Variants in NOL4L observed in about 807,000 individuals in gnomAD.
NOL4L encodes nucleolar protein 4 like, also known as nucleolar protein 4-like.
Under a neutral mutation model 64.5 loss-of-function variants are expected in NOL4L, and 7 were observed. That is an observed-to-expected ratio of 0.11 (90% CI 0.06 to 0.20). The LOEUF (loss-of-function observed/expected upper bound fraction) is 0.20, where lower values mean the gene tolerates loss of function less well. Ranked by LOEUF, NOL4L falls within the 10% of genes least tolerant of loss-of-function variation. The pLI, the probability that NOL4L is intolerant of heterozygous loss-of-function variation, is 1.00. For missense variants in NOL4L, 680 were observed against 967.1 expected (o/e 0.70, Z 3.94); for synonymous variants, 413 against 401.0 (o/e 1.03, Z -0.36).
chr20:32,478,259 A>ACACACG (rs2015517236), intron 4 of NOL4L, among the ~76,000 whole-genome samples: 1 of 127,362 alleles, frequency 7.9e-6, no homozygotes, highest in Non-Finnish European at 1.7e-5. Flanking sequence ...ACACACACAC[A>ACACACG]CACACACACA....
At chr20:32,529,222 G>C (rs1222619905) in intron 1 of NOL4L, among the ~76,000 whole-genome samples, 1 of 152,184 alleles carries the variant, frequency 6.6e-6, no homozygotes, top group Non-Finnish European at 1.5e-5. Context: ...CCCTTTATCT[G>C]TAAAATGGGG....
At chr20:32,568,099 A>G (rs890798333) in intron 1 of NOL4L, among the ~76,000 whole-genome samples, 1 of 151,806 alleles carries the variant, frequency 6.6e-6, no homozygotes, top group Non-Finnish European at 1.5e-5. Context: ...TACCATTACC[A>G]TCACCACTAT....
intron 4 of NOL4L, among the ~76,000 whole-genome samples, chr20:32,495,681 G>A (rs892101732): frequency 2.6e-5 from 4 of 152,188 alleles, no homozygotes; most frequent in African/African-American, 9.7e-5. Context: ...GAAGTTAGAT[G>A]GCTGGGGCGC....
intron 1 of NOL4L, among the ~76,000 whole-genome samples, chr20:32,578,616 A>G (rs894760557): frequency 1.3e-5 from 2 of 152,174 alleles, no homozygotes; most frequent in Non-Finnish European, 2.9e-5. Flanking sequence ...TGGCTTTGAC[A>G]TGAGTGAGCA....
intron 1 of NOL4L, among the ~76,000 whole-genome samples, chr20:32,558,093 A>G (rs965482560): frequency 6.6e-6 from 1 of 152,190 alleles, no homozygotes; most frequent in African/African-American, 2.4e-5. Flanking sequence ...TATTTAAACA[A>G]AGTTGAAATT....
chr20:32,472,996 C>T (rs567149270), intron 5 of NOL4L, among the ~76,000 whole-genome samples: 2 of 152,338 alleles, frequency 1.3e-5, no homozygotes, highest in South Asian at 4.1e-4. Context: ...GCTGAGGGAA[C>T]CCCATGGACC....
intron 1 of NOL4L, among the ~76,000 whole-genome samples, chr20:32,557,216 G>A (rs768245969): frequency 1.3e-5 from 2 of 152,206 alleles, no homozygotes; most frequent in African/African-American, 2.4e-5. Context: ...CCCTGGCCAC[G>A]AAGCAGCCTC....
At position 32,452,283 on chromosome 20, in the gene NOL4L, C is replaced by G. The variant is rs753806738; in HGVS notation, c.1775G>C (p.Ser592Thr). 7 of 1,599,018 alleles carry G rather than the reference C, an allele frequency of 4.4e-6. No homozygotes were observed. In the Admixed American group the frequency reaches 1.2e-4, roughly 27 times the overall value. ...YSYRGYGALS[S>T]NLQPPASLQT... ...GAGGGAGGCAGGGGGCTGCAGGTTG[C>G]TGCTCAAGGCCCCGTACCCGCGGTA... is the stretch of plus-strand genomic sequence containing the variant. Residue 592 changes from serine (S) to threonine (T), a missense_variant, in exon 10 of 11, where the codon AGC (serine) becomes ACC (threonine). Physicochemically the swap from Ser to Thr is moderately conservative, Grantham distance 58. Around this residue, in one of 4 missense-constraint regions of NOL4L, gnomAD observed 175 missense variants for 227.0 expected, o/e 0.77. Transcript: ENST00000621426.
At position 32,452,302 on chromosome 20, in the gene NOL4L, C is replaced by T. The variant is rs777528566; in HGVS notation, c.1756G>A (p.Gly586Arg). The T allele has an allele frequency of 1.9e-6, 3 of 1,607,880 alleles. No homozygotes were observed. The highest frequency in any genetic ancestry group is 1.7e-6 in the Non-Finnish European group (2 of 1,176,716). ...ANGGLNYSYRGYGALSSNLQP... is the reference protein window; with the variant it reads ...ANGGLNYSYRRYGALSSNLQP... ...AGGTTGCTGCTCAAGGCCCCGTACCCGCGGTAACTGTAGTTGAGGCCGCCG... is the reference window on the plus strand; with the variant it reads ...AGGTTGCTGCTCAAGGCCCCGTACCTGCGGTAACTGTAGTTGAGGCCGCCG... Residue 586 changes from glycine (G) to arginine (R), a missense_variant, in exon 10 of 11, where the codon GGG becomes AGG. By Grantham distance (125) the Gly-to-Arg change is moderately radical. Around this residue, in one of 4 missense-constraint regions of NOL4L, gnomAD observed 175 missense variants for 227.0 expected, o/e 0.77. Transcript: ENST00000621426.
rs1447601543 is a variant in NOL4L, at chr20:32,456,340, G to A, written c.897C>T (p.Ser299=). 3 of 1,541,696 alleles carry A rather than the reference G, an allele frequency of 1.9e-6. No individual in the cohort carries two copies. The highest frequency in any genetic ancestry group is 1.9e-5 in the Admixed American group (1 of 52,372). Residue 299 remains serine (S), a synonymous_variant, in exon 6 of 11, where the codon TCC becomes TCT. Coordinates refer to ENST00000621426, the MANE Select transcript of NOL4L (RefSeq NM_001256798.2). ...GGTCGCCCTGCGTGCTGCTCGACGT[G>A]GATGGGTTCAGGGTGGAGGAGCCAT... The part of the protein sequence containing the change: ...SGNGSSTLNP[S]TSSSTQGDPA...
At chr20:32,538,749 G>A (rs1471824798) in intron 1 of NOL4L, among the ~76,000 whole-genome samples, 1 of 152,230 alleles carries the variant, frequency 6.6e-6, no homozygotes, top group Non-Finnish European at 1.5e-5. Context: ...GCTCCAGGAG[G>A]GAATGGGGGA....
At position 32,536,826 on chromosome 20, in the gene NOL4L, C is replaced by T. The variant is rs865842162; in HGVS notation, c.322-8913G>A. On this transcript the variant is annotated intron_variant, in intron 1 of 10. Transcript: ENST00000621426. Reference sequence around the variant, plus strand: ...GGGGGGGGGGGGCGCACCAACGGGGCGGGGGGGGGACACGCAGGAACGGGG... The same window carrying T: ...GGGGGGGGGGGGCGCACCAACGGGGTGGGGGGGGGACACGCAGGAACGGGG... 3.3e-3 allele frequency among the ~76,000 whole-genome samples: 14 copies of T among 4,272 alleles called. No homozygotes were observed. The East Asian group carries it at 0.04, about 12-fold the overall frequency. The allele number at this position is 4,272 out of a possible 152,430, so 2.8% of individuals were successfully genotyped here.
chr20:32,455,296 C>T (rs962545379), intron 6 of NOL4L, among the ~76,000 whole-genome samples: 1 of 152,246 alleles, frequency 6.6e-6, no homozygotes, highest in African/African-American at 2.4e-5. Context: ...GCAAAGCCTG[C>T]TCTGGCCAGA....
chr20:32,471,075 G>A (rs562635621), intron 5 of NOL4L, among the ~76,000 whole-genome samples: 13 of 152,314 alleles, frequency 8.5e-5, no homozygotes, highest in African/African-American at 2.2e-4. Context: ...ACCAAGACTC[G>A]CAGCCAGTGG....
At chr20:32,481,511 C>T (rs1050776388) in intron 4 of NOL4L, among the ~76,000 whole-genome samples, 5 of 152,118 alleles carry the variant, frequency 3.3e-5, no homozygotes, top group African/African-American at 4.8e-5. Context: ...AGGAAAAGTT[C>T]CCCAAAGGCG....
intron 10 of NOL4L, among the ~76,000 whole-genome samples, chr20:32,450,747 A>G (rs1165096034): frequency 1.3e-5 from 2 of 151,936 alleles, no homozygotes; most frequent in Admixed American, 6.6e-5. Context: ...GACCACCCTC[A>G]CCTCACCTGC....
chr20:32,503,007 A>G (rs2016987662), intron 4 of NOL4L, among the ~76,000 whole-genome samples: 1 of 152,230 alleles, frequency 6.6e-6, no homozygotes, highest in Non-Finnish European at 1.5e-5. Flanking sequence ...TCTGTAGGTG[A>G]GCTGCCCTGG....
intron 3 of NOL4L, chr20:32,519,333 T>G (rs2017821910): frequency 6.6e-6 from 1 of 152,232 alleles, no homozygotes; most frequent in Non-Finnish European, 1.5e-5. Context: ...AAAGCCCCGC[T>G]TGACGCCCAT....
At chr20:32,584,133 GCACACACACACACACACACA>G (rs745461984) in intron 1 of NOL4L, among the ~76,000 whole-genome samples, 1 of 88,798 alleles carries the variant, frequency 1.1e-5, no homozygotes. Context: ...CTCCGCGCGC[GCACACACACACACACACACA>G]CACACACACA....
Sources: allele counts gnomAD v4.1 joint callset (sites outside exome capture counted in the v4.1 genomes callset), GRCh38; gene constraint gnomAD v4.1.1; regional missense constraint gnomAD v4.1.1; transcripts MANE v1.5; gene names NCBI Gene and HGNC (gene_info 2026-07-23, HGNC 2026-07-21).